LRRC7: variants seen among roughly 807,000 people sequenced by gnomAD.
LRRC7 encodes the protein leucine rich repeat containing 7, also known as leucine-rich repeat-containing protein 7.
A neutral mutation model predicts 175.7 loss-of-function variants in LRRC7; 23 were observed. The observed-to-expected ratio is 0.13, with a 90% CI of 0.09 to 0.19. The LOEUF is 0.19. Ranked by LOEUF, LRRC7 falls within the 10% of genes least tolerant of loss-of-function variation. The pLI is 1.00. For missense variants in LRRC7, 1,354 were observed against 1,904.7 expected, an observed-to-expected ratio of 0.71 and a Z score of 5.38; for synonymous variants, 685 against 680.9, an observed-to-expected ratio of 1.01 and a Z score of -0.09.
At chr1:69,613,894 G>A (rs1287816626) in intron 1 of LRRC7, among the ~76,000 whole-genome samples, 1 of 151,864 alleles carries the variant, frequency 6.6e-6, no homozygotes. Flanking sequence ...GACAGAAAAA[G>A]TACATATCAA....
rs115085060 is a variant in LRRC7, at chr1:69,945,606, C to A, written c.711+14036C>A. 8.2e-3 allele frequency among the ~76,000 whole-genome samples: 1,247 copies of A among 152,098 alleles called. 14 individuals are homozygous for A. Among genetic ancestry groups the A allele is most frequent in the African/African-American group, 0.028 (1,142 of 41,526 alleles). ...CACTTTGGGTAGTATGGGCATTATA[C>A]CAATATTAATTCTTCCCATCCATGA... On this transcript the variant is annotated intron_variant, in intron 8 of 26. Transcript: ENST00000651989.
chr1:69,575,386 T>C (rs1313496947), intron 1 of LRRC7, among the ~76,000 whole-genome samples: 1 of 152,188 alleles, frequency 6.6e-6, no homozygotes, highest in Admixed American at 6.5e-5. Flanking sequence ...TTTCATTGAA[T>C]TTTTGGCCTG....
intron 8 of LRRC7, among the ~76,000 whole-genome samples, chr1:69,970,779 T>G (rs1274999848): frequency 6.6e-6 from 1 of 152,150 alleles, no homozygotes; most frequent in African/African-American, 2.4e-5. Flanking sequence ...AATCATTGTA[T>G]GAAACCATTA....
Position 69,692,921 on chromosome 1 carries a change from G to A in LRRC7, c.100+14443G>A, listed in dbSNP as rs1662072243. On this transcript the variant is annotated intron_variant, in intron 2 of 26. Coordinates refer to ENST00000651989, the MANE Select transcript of LRRC7 (RefSeq NM_001370785.2). ...GGCAGCCCTCCCTAATGTGGGTGGG[G>A]ACCATCCAATCCATGAGGACGTGAA... 2.6e-5 allele frequency among the ~76,000 whole-genome samples: 4 copies of A among 152,254 alleles called. 1 individual carries two copies. The East Asian group carries it at 7.8e-4, about 30-fold the overall frequency.
intron 7 of LRRC7, among the ~76,000 whole-genome samples, chr1:69,884,697 T>C (rs1686988133): frequency 7.0e-6 from 1 of 143,838 alleles, no homozygotes; most frequent in African/African-American, 2.7e-5. Context: ...TTGTGCCAGT[T>C]TTCAAAGGGA....
intron 8 of LRRC7, among the ~76,000 whole-genome samples, chr1:69,938,995 T>TTATATATATATATATATATATATATA (rs71583104): frequency 1.0e-5 from 1 of 97,606 alleles, no homozygotes; most frequent in Non-Finnish European, 2.1e-5. Flanking sequence ...AGGCTGTAGA[T>TTATATATATATATATATATATATATA]TATATATATA....
chr1:69,613,496 G>A (rs1281144300), intron 1 of LRRC7, among the ~76,000 whole-genome samples: 1 of 151,974 alleles, frequency 6.6e-6, no homozygotes, highest in Non-Finnish European at 1.5e-5. Flanking sequence ...TATCATGTAT[G>A]AGGTGCCTCT....
At chr1:69,908,898 G>C (rs1185763290) in intron 7 of LRRC7, among the ~76,000 whole-genome samples, 1 of 151,280 alleles carries the variant, frequency 6.6e-6, no homozygotes, top group East Asian at 1.9e-4. Flanking sequence ...TTATTGTGTG[G>C]GAGTCTAAGT....
Position 69,937,323 on chromosome 1 carries a change from G to T in LRRC7, c.711+5753G>T, listed in dbSNP as rs996563192. On this transcript the variant is annotated intron_variant, in intron 8 of 26. Coordinates refer to ENST00000651989, the MANE Select transcript of LRRC7 (RefSeq NM_001370785.2). ...GCTTTGTATAGATATTCTTTATCAG[G>T]TTCATAACATCCCTTCCTGCTTCTA... Among the ~76,000 whole-genome samples, 5 of 152,028 alleles carry T rather than the reference G, an allele frequency of 3.3e-5. No individual in the cohort carries two copies. In the East Asian group the frequency reaches 9.7e-4, roughly 29 times the overall value.
Position 69,981,973 on chromosome 1 carries a change from C to CAA in LRRC7, c.786+1520_786+1521insAA, listed in dbSNP as rs1331293821. The stretch of plus-strand genomic sequence containing the variant: ...CTGGCCCAAGATAACACAGCCAGTA[C>CAA]CCCAGGGAGCTGTAATTCAAACCAG... On this transcript the variant is annotated intron_variant, in intron 9 of 26. Transcript: ENST00000651989. 2.6e-5 allele frequency among the ~76,000 whole-genome samples: 4 copies of CAA among 152,116 alleles called. No individual in the cohort carries two copies. In the East Asian group the frequency reaches 7.7e-4, roughly 29 times the overall value.
intron 7 of LRRC7, among the ~76,000 whole-genome samples, chr1:69,926,716 G>T (rs12044936): frequency 0.048 from 7,353 of 152,112 alleles, 218 homozygotes; most frequent in East Asian, 0.15. Context: ...CACGTGAGAT[G>T]GGTGTCCTGA....
intron 1 of LRRC7, 107 bp downstream of exon 1, chr1:69,568,748 GTGGCA>G: frequency 1.3e-6 from 1 of 743,146 alleles, no homozygotes; most frequent in Non-Finnish European, 1.8e-6. Flanking sequence ...GGGGGCGGGG[GTGGCA>G]GGGCGGGAGG....
intron 1 of LRRC7, among the ~76,000 whole-genome samples, chr1:69,588,398 C>T (rs1025085597): frequency 2.0e-5 from 3 of 151,964 alleles, no homozygotes; most frequent in Admixed American, 6.6e-5. Flanking sequence ...TAATGACTAA[C>T]CTATAGACAC....
At chr1:70,043,296 A>T (rs1290380402) in intron 21 of LRRC7, among the ~76,000 whole-genome samples, 1 of 152,172 alleles carries the variant, frequency 6.6e-6, no homozygotes, top group Non-Finnish European at 1.5e-5. Flanking sequence ...AGTTTAAAAT[A>T]TAATTTTTAA....
Position 69,973,527 on chromosome 1 carries a change from C to T in LRRC7, c.712-6852C>T, listed in dbSNP as rs186630582. 6.8e-3 allele frequency among the ~76,000 whole-genome samples: 1,038 copies of T among 152,284 alleles called. 5 individuals carry two copies. The highest frequency in any genetic ancestry group is 0.014 in the Middle Eastern group (4 of 294). On this transcript the variant is annotated intron_variant, in intron 8 of 26. Transcript: ENST00000651989. ...TGGCAGGAGTTATTGGAATTTGTTG[C>T]AGTCATACAAAATATATATTTTCTT...
chr1:69,681,261 G>A lies in LRRC7; in HGVS notation c.100+2783G>A, dbSNP rs114187013. Among the ~76,000 whole-genome samples, 1,193 of 152,164 alleles carry A rather than the reference G, an allele frequency of 7.8e-3. 8 individuals carry two copies. The highest frequency in any genetic ancestry group is 0.058 in the Middle Eastern group (17 of 294). On this transcript the variant is annotated intron_variant, in intron 2 of 26. Coordinates refer to ENST00000651989, the MANE Select transcript of LRRC7 (RefSeq NM_001370785.2). ...ACTTGTCGGTCAACTCCCACACAAA[G>A]GTGCCACCTTCGAAAACTATCATAG...
Position 69,939,350 on chromosome 1 carries a change from C to A in LRRC7, c.711+7780C>A, listed in dbSNP as rs72676861. Among the ~76,000 whole-genome samples, 817 of 152,004 alleles carry A rather than the reference C, an allele frequency of 5.4e-3. 8 individuals are homozygous for A. Among genetic ancestry groups the A allele is most frequent in the Middle Eastern group, 0.014 (4 of 294 alleles). ...TGCTGGTGTCTCTGACATGAAGAGG[C>A]TGATTCTAGTTATGTGGAAAAACTA... is the stretch of plus-strand genomic sequence containing the variant. On this transcript the variant is annotated intron_variant, in intron 8 of 26. Transcript: ENST00000651989.
At chr1:70,093,404 G>T (rs1248151917) in intron 25 of LRRC7, among the ~76,000 whole-genome samples, 2 of 151,934 alleles carry the variant, frequency 1.3e-5, no homozygotes, top group East Asian at 1.9e-4. Flanking sequence ...GGCCCAGAGG[G>T]GTTAATTAAC....
chr1:69,851,997 A>G (rs1248000851), intron 7 of LRRC7, among the ~76,000 whole-genome samples: 1 of 152,134 alleles, frequency 6.6e-6, no homozygotes, highest in Non-Finnish European at 1.5e-5. Flanking sequence ...GAAGATATGA[A>G]AAGGTCAGGA....
Sources: allele counts gnomAD v4.1 joint callset (sites outside exome capture counted in the v4.1 genomes callset), GRCh38; gene constraint gnomAD v4.1.1; transcripts MANE v1.5; gene names NCBI Gene and HGNC (gene_info 2026-07-23, HGNC 2026-07-21).